DIS3L2: variants seen among roughly 807,000 people sequenced by gnomAD.
The protein encoded by DIS3L2 is DIS3 like 3'-5' exoribonuclease 2.
A neutral mutation model predicts 97.5 loss-of-function variants in DIS3L2; 34 were observed. The ratio of observed to expected loss-of-function variants is 0.35; its 90% confidence interval spans 0.27 to 0.46. The LOEUF (loss-of-function observed/expected upper bound fraction) is 0.46. Ranked by LOEUF, DIS3L2 falls within the 20% of genes least tolerant of loss-of-function variation. The probability of loss-of-function intolerance (pLI) is 1.00; values close to 1 mark genes in which losing one functional copy is unlikely to be tolerated. For synonymous variants in DIS3L2, 435 were observed against 445.2 expected, an observed-to-expected ratio of 0.98 and a Z score of 0.29; for missense variants, 1,038 against 1,146.0, an observed-to-expected ratio of 0.91 and a Z score of 1.36.
intron 9 of DIS3L2, among the ~76,000 whole-genome samples, chr2:232,205,211 C>CATATAT (rs57163508): frequency 0.026 from 3,691 of 140,408 alleles, 119 homozygotes; most frequent in African/African-American, 0.081. Context: ...AGGCAGTTTA[C>CATATAT]ATATATATAT....
At chr2:232,198,571 G>C (rs548824114) in intron 9 of DIS3L2, 20 of 152,364 alleles carry the variant, frequency 1.3e-4, no homozygotes, top group Non-Finnish European at 1.5e-5. Flanking sequence ...TGTTCAGAGA[G>C]AGCTTCGGAT....
At chr2:232,279,738 C>T (rs1329900071) in intron 13 of DIS3L2, among the ~76,000 whole-genome samples, 1 of 151,970 alleles carries the variant, frequency 6.6e-6, no homozygotes, top group African/African-American at 2.4e-5. Flanking sequence ...ACTATGTTGG[C>T]CAGGCTTGTC....
At chr2:232,173,718 T>A (rs1209106299) in intron 9 of DIS3L2, among the ~76,000 whole-genome samples, 2 of 152,078 alleles carry the variant, frequency 1.3e-5, no homozygotes, top group African/African-American at 4.8e-5. Flanking sequence ...GAAATTGTCT[T>A]GGCATTTCTT....
At chr2:232,270,860 GTCTCTCTCTC>G (rs71056262) in intron 13 of DIS3L2, among the ~76,000 whole-genome samples, 6,208 of 103,762 alleles carry the variant, frequency 0.06, 303 homozygotes, top group Non-Finnish European at 0.067. Flanking sequence ...TCTTTTTCTC[GTCTCTCTCTC>G]TCTCTCTCTC....
chr2:232,141,588 C>G (rs1690043268), intron 8 of DIS3L2, among the ~76,000 whole-genome samples: 1 of 152,064 alleles, frequency 6.6e-6, no homozygotes, highest in Non-Finnish European at 1.5e-5. Flanking sequence ...GAGAATGGGT[C>G]ACAGTGCTGC....
intron 3 of DIS3L2, among the ~76,000 whole-genome samples, chr2:232,020,089 C>CT (rs1694469999): frequency 1.3e-5 from 2 of 151,868 alleles, no homozygotes; most frequent in South Asian, 4.2e-4. Context: ...GAGAAGGAAG[C>CT]CTGTTGGAAC....
chr2:231,969,662 C>T (rs938179280), intron 1 of DIS3L2, among the ~76,000 whole-genome samples: 1 of 152,186 alleles, frequency 6.6e-6, no homozygotes, highest in Non-Finnish European at 1.5e-5. Flanking sequence ...AAGATTATGT[C>T]ATCTGTGAAT....
At chr2:232,277,706 G>A (rs1226556795) in intron 13 of DIS3L2, among the ~76,000 whole-genome samples, 1 of 152,106 alleles carries the variant, frequency 6.6e-6, no homozygotes, top group Non-Finnish European at 1.5e-5. Context: ...CTTAATGACA[G>A]GGACACATTC....
rs888748298 is a variant in DIS3L2, at chr2:232,293,574, C to T, written c.1660-6466C>T. ...AACCCCTCAGGGAAGTGGACCGCGT[C>T]GGGGAGTGCATGGAGCTCTGCAGGA... On this transcript the variant is annotated intron_variant, in intron 13 of 20. Coordinates refer to ENST00000325385, the MANE Select transcript of DIS3L2 (RefSeq NM_152383.5). The surrounding 1 kb of genome is among the most constrained non-coding windows in gnomAD (Gnocchi z 4.6). Among the ~76,000 whole-genome samples the T allele has an allele frequency of 1.3e-5, 2 of 152,154 alleles. No individual in the cohort carries two copies. Among genetic ancestry groups the T allele is most frequent in the Non-Finnish European group, 2.9e-5 (2 of 68,032 alleles).
intron 10 of DIS3L2, among the ~76,000 whole-genome samples, chr2:232,220,205 A>T (rs748359170): frequency 7.2e-5 from 11 of 152,114 alleles, no homozygotes; most frequent in Non-Finnish European, 1.6e-4. Context: ...GCCACGTGGG[A>T]GGCTGAGGTG....
chr2:232,330,368 T>C (rs1212128812), intron 15 of DIS3L2, among the ~76,000 whole-genome samples: 2 of 152,170 alleles, frequency 1.3e-5, no homozygotes, highest in Admixed American at 6.5e-5. Flanking sequence ...GGGGCAAAGC[T>C]AAGAAACCCA....
intron 12 of DIS3L2, among the ~76,000 whole-genome samples, chr2:232,254,101 C>T (rs1169188073): frequency 6.6e-6 from 1 of 152,204 alleles, no homozygotes; most frequent in African/African-American, 2.4e-5. Flanking sequence ...GCCATTAGCA[C>T]ACCTAACAGT....
chr2:232,333,760 A>AGTT, intron 16 of DIS3L2, 80 bp from the exon 17 acceptor site: 1 of 1,417,440 alleles, frequency 7.1e-7, no homozygotes, highest in Non-Finnish European at 9.3e-7. Flanking sequence ...GCCGACGGTG[A>AGTT]GGCTGTGGGT....
intron 9 of DIS3L2, among the ~76,000 whole-genome samples, chr2:232,165,940 A>G (rs191957937): frequency 3.3e-5 from 5 of 152,042 alleles, no homozygotes; most frequent in East Asian, 1.9e-4. Context: ...AATAATAAGC[A>G]TGTTAGTAGT....
intron 6 of DIS3L2, among the ~76,000 whole-genome samples, chr2:232,090,504 C>G (rs1332236148): frequency 6.6e-6 from 1 of 152,122 alleles, no homozygotes; most frequent in Non-Finnish European, 1.5e-5. Flanking sequence ...TTGCAATTTG[C>G]TCTTTTGAAA....
chr2:232,097,907 A>G (rs1697073089), intron 6 of DIS3L2, among the ~76,000 whole-genome samples: 2 of 152,216 alleles, frequency 1.3e-5, no homozygotes, highest in African/African-American at 4.8e-5. Context: ...GGCCCATGGC[A>G]TGCTACTTGA....
chr2:232,088,891 A>G (rs1441189888), intron 6 of DIS3L2, among the ~76,000 whole-genome samples: 7 of 152,218 alleles, frequency 4.6e-5, no homozygotes, highest in African/African-American at 9.6e-5. Flanking sequence ...TTTTATGTAT[A>G]CTATTAATGG....
chr2:232,025,160 A>G (rs1174148281), intron 4 of DIS3L2, among the ~76,000 whole-genome samples: 2 of 152,186 alleles, frequency 1.3e-5, no homozygotes, highest in African/African-American at 4.8e-5. Context: ...CATGTACTTT[A>G]TAAATGTCAT....
chr2:232,176,322 T>G (rs1299968738), intron 9 of DIS3L2, among the ~76,000 whole-genome samples: 1 of 152,250 alleles, frequency 6.6e-6, no homozygotes, highest in African/African-American at 2.4e-5. Flanking sequence ...TTTGTTAGTT[T>G]AGTAATTTGA....
Sources: gnomAD v4.1 joint callset for allele counts (sites outside exome capture counted in the v4.1 genomes callset) on GRCh38, gnomAD v4.1.1 for gene constraint, Gnocchi (gnomAD v3.1) non-coding constraint, MANE v1.5 for transcripts, NCBI Gene and HGNC (gene_info 2026-07-23, HGNC 2026-07-21) for gene names.